CRACDL: variants seen among roughly 807,000 people sequenced by gnomAD.
CRACDL encodes the protein CRACD-like protein.
In CRACDL, 26 loss-of-function variants were observed where a neutral mutation model predicts 70.6. The observed-to-expected ratio is 0.37, with a 90% CI of 0.27 to 0.51. CRACDL has a LOEUF of 0.51. Among genes scored for constraint, CRACDL ranks in the 20% least tolerant of loss-of-function variants. The probability of loss-of-function intolerance (pLI) is 0.94; values close to 1 mark genes in which losing one functional copy is unlikely to be tolerated. For missense variants in CRACDL, 1,283 were observed against 1,376.9 expected, an observed-to-expected ratio of 0.93 and a Z score of 1.08; for synonymous variants, 618 against 615.2, an observed-to-expected ratio of 1.00 and a Z score of -0.07.
intron 2 of CRACDL, among the ~76,000 whole-genome samples, chr2:98,839,831 A>G (rs2104519696): frequency 6.6e-6 from 1 of 152,272 alleles, no homozygotes; most frequent in Non-Finnish European, 1.5e-5. Flanking sequence ...TTATCTTTCA[A>G]GCATTCACAA....
intron 1 of CRACDL, among the ~76,000 whole-genome samples, chr2:98,849,080 G>A (rs1269004274): frequency 6.6e-6 from 1 of 152,208 alleles, no homozygotes; most frequent in Non-Finnish European, 1.5e-5. Context: ...AGAGCCCTGA[G>A]CTGTCCCCAG....
At chr2:98,886,532 G>C (rs115172787) in intron 1 of CRACDL, among the ~76,000 whole-genome samples, 2 of 152,240 alleles carry the variant, frequency 1.3e-5, no homozygotes, top group African/African-American at 4.8e-5. Flanking sequence ...AATAGGAAGA[G>C]AGGGTTTAGA....
chr2:98,837,783 A>G (rs1705860966), intron 3 of CRACDL, among the ~76,000 whole-genome samples: 1 of 152,148 alleles, frequency 6.6e-6, no homozygotes, highest in African/African-American at 2.4e-5. Flanking sequence ...CTAGGTCCTC[A>G]AAAGAGTTTT....
At position 98,821,847 on chromosome 2, in the gene CRACDL, G is replaced by A. The variant is rs753845926; in HGVS notation, c.2416+10C>T. The A allele has an allele frequency of 1.2e-6, 2 of 1,606,772 alleles. No homozygotes were observed. Among genetic ancestry groups the A allele is most frequent in the Admixed American group, 1.7e-5 (1 of 58,948 alleles). ...GCCCTGCCCTTCCCGCACCCTCGGC[G>A]GGCTCTTACCAGCTCCCCTGCGCAG... On this transcript the variant is annotated intron_variant, in intron 7 of 9. Coordinates refer to ENST00000397899, the MANE Select transcript of CRACDL (RefSeq NM_207362.3).
At chr2:98,928,567 C>A (rs1478899892) in intron 1 of CRACDL, among the ~76,000 whole-genome samples, 1 of 152,026 alleles carries the variant, frequency 6.6e-6, no homozygotes. Flanking sequence ...AGGGCTTCCT[C>A]CCCTACCGAG....
At chr2:98,926,311 G>A (rs1708906931) in intron 1 of CRACDL, among the ~76,000 whole-genome samples, 3 of 152,130 alleles carry the variant, frequency 2.0e-5, no homozygotes. Context: ...AGAAGCATAA[G>A]CCACTGTACC....
In CRACDL at chr2:98,838,263, G is replaced by C. The variant is rs1168508170; in HGVS notation, c.95C>G (p.Thr32Ser). The change falls in exon 3 of 10, where the codon ACT (threonine) becomes AGT (serine). Residue 32 changes from threonine to serine, a missense_variant. Physicochemically the swap from Thr to Ser is moderately conservative, Grantham distance 58. This residue lies in a region of CRACDL where 362 missense variants were observed against 495.0 expected (regional missense o/e 0.73). Coordinates refer to ENST00000397899, the MANE Select transcript of CRACDL (RefSeq NM_207362.3). ...STGKKKSKFK[T>S]FKKFFGKKKR... ...CTTCTTCCCAAAAAACTTCTTAAAA[G>C]TTTTGAATTTAGATTTTTTCTTTCC... is the stretch of plus-strand genomic sequence containing the variant. 6.2e-7 allele frequency: 1 copy of C among 1,604,958 alleles called. No individual in the cohort carries two copies.
chr2:98,875,225 G>T (rs1707454483), intron 1 of CRACDL, among the ~76,000 whole-genome samples: 1 of 152,232 alleles, frequency 6.6e-6, no homozygotes, highest in Admixed American at 6.5e-5. Context: ...AAGAGAGTGT[G>T]GTCGGGCCCT....
At chr2:98,884,477 C>T (rs1426339731) in intron 1 of CRACDL, among the ~76,000 whole-genome samples, 1 of 152,334 alleles carries the variant, frequency 6.6e-6, no homozygotes, top group East Asian at 1.9e-4. Context: ...GGCAGCAGGA[C>T]ATCCCTGCCC....
intron 1 of CRACDL, among the ~76,000 whole-genome samples, chr2:98,879,911 T>A (rs906069671): frequency 6.6e-6 from 1 of 152,208 alleles, no homozygotes; most frequent in Admixed American, 6.5e-5. Context: ...AATATTTCCA[T>A]GGGGGTGGAC....
chr2:98,879,597 G>A (rs1707581905), intron 1 of CRACDL, among the ~76,000 whole-genome samples: 1 of 152,200 alleles, frequency 6.6e-6, no homozygotes, highest in Non-Finnish European at 1.5e-5. Context: ...TGCCTAGGCT[G>A]GAGTGCAGTG....
chr2:98,872,514 G>A (rs1327211671), intron 1 of CRACDL, among the ~76,000 whole-genome samples: 1 of 152,078 alleles, frequency 6.6e-6, no homozygotes, highest in Non-Finnish European at 1.5e-5. Context: ...TTGGGTGATG[G>A]GAACACTAGA....
At chr2:98,887,635 A>G (rs548045410) in intron 1 of CRACDL, among the ~76,000 whole-genome samples, 2 of 152,340 alleles carry the variant, frequency 1.3e-5, no homozygotes, top group Admixed American at 1.3e-4. Context: ...AATTTGAGGA[A>G]AACACGACCC....
At chr2:98,842,189 C>A (rs1706058289) in intron 2 of CRACDL, among the ~76,000 whole-genome samples, 1 of 151,854 alleles carries the variant, frequency 6.6e-6, no homozygotes, top group African/African-American at 2.4e-5. Context: ...CCCCTTGTTC[C>A]CTTTCCTTTA....
chr2:98,897,459 A>G (rs543239094), intron 1 of CRACDL: 3 of 1,196,216 alleles, frequency 2.5e-6, no homozygotes, highest in South Asian at 2.6e-5. Context: ...TACATGGAGT[A>G]TGCAGAAAAT....
intron 7 of CRACDL, among the ~76,000 whole-genome samples, chr2:98,808,921 C>G (rs1704436344): frequency 6.6e-6 from 1 of 152,136 alleles, no homozygotes. Context: ...GGGAGGTGGG[C>G]TGCACCTGTG....
intron 1 of CRACDL, among the ~76,000 whole-genome samples, chr2:98,896,027 A>G (rs1317048196): frequency 6.6e-6 from 1 of 152,212 alleles, no homozygotes; most frequent in Non-Finnish European, 1.5e-5. Context: ...CAGGACTGTG[A>G]GCAAACAATC....
Position 98,823,464 on chromosome 2 carries a change from A to G in CRACDL, c.809T>C (p.Leu270Ser). The change falls in exon 7 of 10, where the codon TTG becomes TCG. Residue 270 changes from leucine (L) to serine (S), a missense_variant. By Grantham distance (145) the Leu-to-Ser change is moderately radical (BLOSUM62 -2). This residue lies in a region of CRACDL where 362 missense variants were observed against 495.0 expected (regional missense o/e 0.73). Transcript: ENST00000397899. The surrounding 1 kb of genome is among the most constrained non-coding windows in gnomAD (Gnocchi z 4.0). ...GGGGCGCTCTTCTGGGCTGACTTCC[A>G]AAAGTGGCTTCTCCTCGTTTTCCTC... is the stretch of plus-strand genomic sequence containing the variant. ...EEEENEEKPL[L>S]EVSPEERPSS... 1 of 1,594,336 alleles carries G rather than the reference A, an allele frequency of 6.3e-7. No individual in the cohort carries two copies. The highest frequency in any genetic ancestry group is 8.5e-7 in the Non-Finnish European group (1 of 1,177,722).
chr2:98,881,177 G>A (rs1485550346), intron 1 of CRACDL, among the ~76,000 whole-genome samples: 1 of 152,194 alleles, frequency 6.6e-6, no homozygotes, highest in Admixed American at 6.5e-5. Context: ...CTGTGATGGT[G>A]AGCATGGTCA....
Sources: allele counts gnomAD v4.1 joint callset (sites outside exome capture counted in the v4.1 genomes callset), GRCh38; gene constraint gnomAD v4.1.1; regional missense constraint gnomAD v4.1.1; non-coding constraint Gnocchi (gnomAD v3.1); transcripts MANE v1.5; gene names NCBI Gene and HGNC (gene_info 2026-07-23, HGNC 2026-07-21).